CAMTA1: variants seen among roughly 807,000 people sequenced by gnomAD.
CAMTA1 encodes calmodulin binding transcription activator 1, also known as calmodulin-binding transcription activator 1.
In CAMTA1, 27 loss-of-function variants were observed where a neutral mutation model predicts 170.9. That is an observed-to-expected ratio of 0.16 (90% CI 0.12 to 0.22). The LOEUF (loss-of-function observed/expected upper bound fraction) is 0.22. Ranked by LOEUF, CAMTA1 falls within the 10% of genes least tolerant of loss-of-function variation. The pLI is 1.00. For synonymous variants in CAMTA1, 833 were observed against 891.5 expected, an observed-to-expected ratio of 0.93 and a Z score of 1.17; for missense variants, 1,619 against 2,217.2, an observed-to-expected ratio of 0.73 and a Z score of 5.42.
At chr1:7,373,637 T>G (rs1408428620) in intron 5 of CAMTA1, among the ~76,000 whole-genome samples, 1 of 152,216 alleles carries the variant, frequency 6.6e-6, no homozygotes, top group Non-Finnish European at 1.5e-5. Context: ...AACTTTGCTT[T>G]TTTGCCTTGT....
intron 6 of CAMTA1, among the ~76,000 whole-genome samples, chr1:7,606,235 T>C (rs745868826): frequency 1.3e-5 from 2 of 152,198 alleles, no homozygotes; most frequent in Admixed American, 6.5e-5. Flanking sequence ...GATGCCTCTG[T>C]GGGTGCTTAG....
In CAMTA1 at chr1:7,435,678, C is replaced by A. The variant is rs567187236; in HGVS notation, c.439-32152C>A. 4.3e-4 allele frequency among the ~76,000 whole-genome samples: 66 copies of A among 152,294 alleles called. No homozygotes were observed. The highest frequency in any genetic ancestry group is 1.6e-3 in the African/African-American group (65 of 41,566). On this transcript the variant is annotated intron_variant, in intron 5 of 22. Coordinates refer to ENST00000303635, the MANE Select transcript of CAMTA1 (RefSeq NM_015215.4). The surrounding 1 kb of genome is among the most constrained non-coding windows in gnomAD (Gnocchi z 4.4). ...CTCCTTCTGACCAGGCAAGGGCTGG[C>A]CGCCGTTCTCATGGCTGAAGGGTAC...
chr1:7,591,073 T>G (rs887246107), intron 6 of CAMTA1, among the ~76,000 whole-genome samples: 1 of 152,126 alleles, frequency 6.6e-6, no homozygotes, highest in African/African-American at 2.4e-5. Context: ...TCCCCCATAA[T>G]GGGAAGAGTA....
chr1:7,286,242 A>T lies in CAMTA1; in HGVS notation c.438+36616A>T, dbSNP rs1050489698. On this transcript the variant is annotated intron_variant, in intron 5 of 22. Coordinates refer to ENST00000303635, the MANE Select transcript of CAMTA1 (RefSeq NM_015215.4). This position sits in a 1 kb window ranked among gnomAD's most constrained non-coding sequence, Gnocchi z 4.2. ...AAGGGTGAGGAGGAGCAGGTCAGGC[A>T]GAGATGGGCATCTGGTGGAGTTGAT... 6.6e-6 allele frequency among the ~76,000 whole-genome samples: 1 copy of T among 152,212 alleles called. No homozygotes were observed. The highest frequency in any genetic ancestry group is 2.4e-5 in the African/African-American group (1 of 41,460).
At chr1:7,276,303 A>ATATATATTTTTT in intron 5 of CAMTA1, among the ~76,000 whole-genome samples, 40 of 24,220 alleles carry the variant, frequency 1.7e-3, no homozygotes, top group Admixed American at 3.9e-3. Flanking sequence ...ATATATATAT[A>ATATATATTTTTT]TTTTTTTTTT....
At chr1:7,321,733 C>T (rs577654570) in intron 5 of CAMTA1, among the ~76,000 whole-genome samples, 1 of 152,270 alleles carries the variant, frequency 6.6e-6, no homozygotes, top group African/African-American at 2.4e-5. Context: ...AGGAGAGTAC[C>T]TCTTCTCTAT....
At chr1:7,551,206 G>A (rs561053528) in intron 6 of CAMTA1, among the ~76,000 whole-genome samples, 1 of 152,292 alleles carries the variant, frequency 6.6e-6, no homozygotes, top group South Asian at 2.1e-4. Flanking sequence ...GGAGAAGCAA[G>A]GAAGGGAGGA....
chr1:7,745,047 A>G (rs1292498948), intron 17 of CAMTA1, 25 bp downstream of exon 17: 5 of 1,579,420 alleles, frequency 3.2e-6, no homozygotes, highest in Non-Finnish European at 4.3e-6. Context: ...GGAGGTCACT[A>G]CCCAGCATAG....
At chr1:7,554,884 C>T (rs983313686) in intron 6 of CAMTA1, among the ~76,000 whole-genome samples, 5 of 151,994 alleles carry the variant, frequency 3.3e-5, no homozygotes, top group African/African-American at 1.2e-4. Flanking sequence ...CTTCCCAAGC[C>T]AGATGGTGGG....
At chr1:7,686,367 G>T (rs2096257785) in intron 11 of CAMTA1, among the ~76,000 whole-genome samples, 1 of 152,166 alleles carries the variant, frequency 6.6e-6, no homozygotes. Context: ...TCAAGCTGGG[G>T]TATGAGTGAC....
At chr1:7,069,376 A>G (rs994788517) in intron 3 of CAMTA1, among the ~76,000 whole-genome samples, 31 of 152,246 alleles carry the variant, frequency 2.0e-4, no homozygotes, top group African/African-American at 7.0e-4. Flanking sequence ...AGAAAATGCA[A>G]TTCCTTTTTT....
intron 4 of CAMTA1, among the ~76,000 whole-genome samples, chr1:7,203,603 A>C (rs1376618007): frequency 3.4e-5 from 5 of 148,408 alleles, no homozygotes; most frequent in Admixed American, 2.7e-4. Flanking sequence ...TGGGGTCTTT[A>C]TAGGAATTTG....
rs1035399256 is a variant in CAMTA1 at position 7,634,665 on chromosome 1, G to A, written c.511-5735G>A. 1.3e-5 allele frequency among the ~76,000 whole-genome samples: 2 copies of A among 152,156 alleles called. No homozygotes were observed. The highest frequency in any genetic ancestry group is 2.9e-5 in the Non-Finnish European group (2 of 68,032). The stretch of plus-strand genomic sequence containing the variant: ...GAGGAAGGGCCTCTGTACACAGCAA[G>A]AGGAGAGCTGGGACAGGCTGGGGCT... On this transcript the variant is annotated intron_variant, in intron 6 of 22. Transcript: ENST00000303635. The surrounding 1 kb of genome is among the most constrained non-coding windows in gnomAD (Gnocchi z 6.2).
intron 11 of CAMTA1, among the ~76,000 whole-genome samples, chr1:7,706,667 G>A (rs114034063): frequency 2.6e-5 from 4 of 152,306 alleles, no homozygotes; most frequent in Admixed American, 6.5e-5. Context: ...TACTTACAGC[G>A]TATGCATTTC....
chr1:6,903,234 T>C (rs563512566), intron 3 of CAMTA1, among the ~76,000 whole-genome samples: 1 of 152,340 alleles, frequency 6.6e-6, no homozygotes, highest in South Asian at 2.1e-4. Flanking sequence ...AAAAGTGTTT[T>C]CTTAAGAGTA....
At chr1:6,917,938 G>A (rs187676062) in intron 3 of CAMTA1, among the ~76,000 whole-genome samples, 10 of 152,200 alleles carry the variant, frequency 6.6e-5, no homozygotes, top group Non-Finnish European at 8.8e-5. Flanking sequence ...CAGCGAAGAC[G>A]TTCCAGGTAG....
At chr1:7,513,352 C>A (rs1237740102) in intron 6 of CAMTA1, among the ~76,000 whole-genome samples, 1 of 152,152 alleles carries the variant, frequency 6.6e-6, no homozygotes, top group African/African-American at 2.4e-5. Context: ...TTGGAGAGGC[C>A]TGTGGGGACA....
At chr1:7,370,931 A>ATTTTTTTTTTTCT (rs2086402729) in intron 5 of CAMTA1, among the ~76,000 whole-genome samples, 1 of 113,594 alleles carries the variant, frequency 8.8e-6, no homozygotes, top group East Asian at 3.3e-4. Context: ...TTTTTTTTTG[A>ATTTTTTTTTTTCT]GACGGAGTCT....
rs947118687 is a variant in CAMTA1 at position 7,430,174 on chromosome 1, C to T, written c.439-37656C>T. 9.3e-5 allele frequency among the ~76,000 whole-genome samples: 14 copies of T among 149,880 alleles called. No homozygotes were observed. In the East Asian group the frequency reaches 1.0e-3, roughly 11 times the overall value. ...ATGGTGGAGGTGATGGTGATGATGA[C>T]GATGGCAGTGGTGATGACGGTGATA... On this transcript the variant is annotated intron_variant, in intron 5 of 22. Transcript: ENST00000303635.
Sources: allele counts gnomAD v4.1 joint callset (sites outside exome capture counted in the v4.1 genomes callset), GRCh38; gene constraint gnomAD v4.1.1; non-coding constraint Gnocchi (gnomAD v3.1); transcripts MANE v1.5; gene names NCBI Gene and HGNC (gene_info 2026-07-23, HGNC 2026-07-21).